The following TLN2 variants were observed in gnomAD, a reference collection of about 807,000 sequenced individuals.
TLN2 encodes the protein talin 2.
A neutral mutation model predicts 294.7 loss-of-function variants in TLN2; 118 were observed. The ratio of observed to expected loss-of-function variants is 0.40; its 90% CI spans 0.34 to 0.47. TLN2 has a LOEUF of 0.47. Ranked by LOEUF, TLN2 falls within the 20% of genes least tolerant of loss-of-function variation. The pLI is 0.84. For synonymous variants in TLN2, 1,431 were observed against 1,304.5 expected, an observed-to-expected ratio of 1.10 and a Z score of -2.09; for missense variants, 3,083 against 3,282.2, an observed-to-expected ratio of 0.94 and a Z score of 1.48.
At chr15:62,786,654 C>T (rs920034724) in intron 45 of TLN2, among the ~76,000 whole-genome samples, 5 of 150,536 alleles carry the variant, frequency 3.3e-5, no homozygotes, top group African/African-American at 9.8e-5. Flanking sequence ...TAAAAGCTGG[C>T]GCAATCATTT....
At chr15:62,787,271 A>G (rs916358833) in intron 45 of TLN2, among the ~76,000 whole-genome samples, 2 of 152,190 alleles carry the variant, frequency 1.3e-5, no homozygotes, top group South Asian at 2.1e-4. Context: ...AGCTGTCCCA[A>G]GCAAATTATA....
chr15:62,755,053 A>G (rs2062155702), intron 36 of TLN2: 2 of 153,288 alleles, frequency 1.3e-5, no homozygotes, highest in South Asian at 4.1e-4. Context: ...TATGATAAAA[A>G]GATTGTAAAA....
At chr15:62,427,870 G>A (rs2034801937) in intron 1 of TLN2, among the ~76,000 whole-genome samples, 1 of 152,162 alleles carries the variant, frequency 6.6e-6, no homozygotes, top group African/African-American at 2.4e-5. Context: ...CTTCTTACCT[G>A]AAAACTGTGA....
intron 31 of TLN2, among the ~76,000 whole-genome samples, chr15:62,739,807 T>C (rs1248932492): frequency 6.6e-6 from 1 of 152,144 alleles, no homozygotes; most frequent in African/African-American, 2.4e-5. Flanking sequence ...GTCTTACTAT[T>C]TGGAGGGAGG....
chr15:62,642,953 C>A (rs1161221554), intron 3 of TLN2, among the ~76,000 whole-genome samples: 2 of 152,158 alleles, frequency 1.3e-5, no homozygotes, highest in African/African-American at 4.8e-5. Flanking sequence ...CTGCCCAACT[C>A]GGCCTCCCAA....
At chr15:62,696,017 C>T (rs1173941632) in intron 14 of TLN2, among the ~76,000 whole-genome samples, 4 of 152,184 alleles carry the variant, frequency 2.6e-5, no homozygotes, top group African/African-American at 4.8e-5. Flanking sequence ...TCGTTCCCAT[C>T]GCTAGACCTT....
At chr15:62,642,157 G>A (rs74695130) in intron 3 of TLN2, among the ~76,000 whole-genome samples, 58 of 152,322 alleles carry the variant, frequency 3.8e-4, no homozygotes, top group African/African-American at 1.4e-3. Flanking sequence ...GTCAGAGTGA[G>A]ACAAGATTAT....
At chr15:62,810,604 G>GT in intron 52 of TLN2, among the ~76,000 whole-genome samples, 1 of 152,126 alleles carries the variant, frequency 6.6e-6, no homozygotes, top group Non-Finnish European at 1.5e-5. Flanking sequence ...AGGCAGGGGT[G>GT]TAGATAGTCA....
chr15:62,726,305 T>C (rs1405444813), intron 27 of TLN2, among the ~76,000 whole-genome samples: 1 of 152,230 alleles, frequency 6.6e-6, no homozygotes, highest in Non-Finnish European at 1.5e-5. Context: ...AAGCATTGCC[T>C]CTCTTGGAAA....
intron 1 of TLN2, among the ~76,000 whole-genome samples, chr15:62,514,361 C>T (rs1019794207): frequency 3.3e-5 from 5 of 152,182 alleles, no homozygotes; most frequent in African/African-American, 1.2e-4. Context: ...ATGTCTAATG[C>T]TCTTAAGAAA....
chr15:62,407,618 T>C (rs891442931), intron 1 of TLN2, among the ~76,000 whole-genome samples: 1 of 152,122 alleles, frequency 6.6e-6, no homozygotes, highest in Non-Finnish European at 1.5e-5. Flanking sequence ...GGAGATGTCA[T>C]GGAAAGGTGC....
At chr15:62,747,699 A>T (rs1358077415) in intron 32 of TLN2, among the ~76,000 whole-genome samples, 2 of 152,228 alleles carry the variant, frequency 1.3e-5, no homozygotes, top group Non-Finnish European at 2.9e-5. Context: ...CGACCCCTGC[A>T]CAGTCAAAAA....
intron 54 of TLN2, among the ~76,000 whole-genome samples, chr15:62,825,852 T>TTA (rs374380687): frequency 0.021 from 1,871 of 89,288 alleles, 54 homozygotes; most frequent in African/African-American, 0.04. Context: ...TATAAATATA[T>TTA]TATATATATA....
In TLN2 at chr15:62,823,987, T is replaced by G. The variant is rs777464613; in HGVS notation, c.7002+3377T>G. Reference sequence around the variant, plus strand: ...GCCTCTGTGTGATATGTTTGATATATTAGGTTGTTATTTAATCCAACTATA... The same window carrying G: ...GCCTCTGTGTGATATGTTTGATATAGTAGGTTGTTATTTAATCCAACTATA... On this transcript the variant is annotated intron_variant, in intron 54 of 58. Transcript: ENST00000636159. 9.4e-6 allele frequency: 5 copies of G among 531,166 alleles called. No homozygotes were observed. In the African/African-American group the frequency reaches 9.6e-5, roughly 10 times the overall value. The allele number at this position is 531,166 out of a possible 1,614,324, so 32.9% of individuals were successfully genotyped here.
chr15:62,483,245 C>T (rs2038206105), intron 1 of TLN2, among the ~76,000 whole-genome samples: 1 of 152,158 alleles, frequency 6.6e-6, no homozygotes, highest in African/African-American at 2.4e-5. Context: ...TCTGGCAGAT[C>T]TTGCATTTAA....
At chr15:62,559,178 G>A (rs1225425606) in intron 1 of TLN2, among the ~76,000 whole-genome samples, 1 of 152,202 alleles carries the variant, frequency 6.6e-6, no homozygotes, top group Admixed American at 6.5e-5. Flanking sequence ...TTGACTCTCA[G>A]TGTGCAGGCG....
rs1169369457 is a variant in TLN2, at chr15:62,675,337, T to C, written c.957+16T>C. The C allele has an allele frequency of 6.2e-7, 1 of 1,612,710 alleles. No homozygotes were observed. The highest frequency in any genetic ancestry group is 2.2e-5 in the East Asian group (1 of 44,860). On this transcript the variant is annotated intron_variant, in intron 11 of 58. Transcript: ENST00000636159. Reference sequence around the variant, plus strand: ...CCTGGTGAAGGTGAGTTGGGCAGAATGGGGAGAGTGTTCACCTTGGCCCCT... The same window carrying C: ...CCTGGTGAAGGTGAGTTGGGCAGAACGGGGAGAGTGTTCACCTTGGCCCCT...
chr15:62,707,540 G>T (rs1416654920), intron 20 of TLN2, among the ~76,000 whole-genome samples: 1 of 152,140 alleles, frequency 6.6e-6, no homozygotes, highest in Non-Finnish European at 1.5e-5. Flanking sequence ...CTTTACACCT[G>T]CACAAAAATA....
rs116454797 is a variant in TLN2 at position 62,588,879 on chromosome 15, G to A, written c.-237-808G>A. Among the ~76,000 whole-genome samples, 307 of 150,284 alleles carry A rather than the reference G, an allele frequency of 2.0e-3. 1 individual carries two copies. The highest frequency in any genetic ancestry group is 7.1e-3 in the African/African-American group (293 of 40,990). ...TGTCAAAAAATAAAATAACAAACTA[G>A]CAAATGAGTACTGGTACTCATTTGC... On this transcript the variant is annotated intron_variant, in intron 1 of 58. Coordinates refer to ENST00000636159, the MANE Select transcript of TLN2 (RefSeq NM_015059.3).
Sources: gnomAD v4.1 joint callset for allele counts (sites outside exome capture counted in the v4.1 genomes callset) on GRCh38, gnomAD v4.1.1 for gene constraint, MANE v1.5 for transcripts, NCBI Gene and HGNC (gene_info 2026-07-23, HGNC 2026-07-21) for gene names.